ACAA1: variants seen among roughly 807,000 people sequenced by gnomAD.
ACAA1 encodes 3-ketoacyl-CoA thiolase, peroxisomal.
A neutral mutation model predicts 48.8 loss-of-function variants in ACAA1; 44 were observed. The observed-to-expected ratio is 0.90, with a 90% CI of 0.71 to 1.16. The LOEUF (loss-of-function observed/expected upper bound fraction) is 1.16, where lower values mean the gene tolerates loss of function less well. Among genes scored for constraint, ACAA1 ranks in the 50% most tolerant of loss-of-function variants. The pLI, the probability that ACAA1 is intolerant of heterozygous loss-of-function variation, is 0.00. For synonymous variants in ACAA1, 233 were observed against 226.5 expected (o/e 1.03, Z -0.26); for missense variants, 512 against 562.3 (o/e 0.91, Z 0.90).
chr3:38,129,384 C>T lies in ACAA1; in HGVS notation c.451G>A (p.Glu151Lys), dbSNP rs765521572. The change falls in exon 6 of 12, where the codon GAG (glutamate) becomes AAG (lysine). Residue 151 changes from glutamate (E) to lysine (K), a missense_variant. Glu to Lys is a moderately conservative substitution (Grantham distance 56, BLOSUM62 1). Coordinates refer to ENST00000333167, the MANE Select transcript of ACAA1 (RefSeq NM_001607.4). The surrounding 1 kb of genome is among the most constrained non-coding windows in gnomAD (Gnocchi z 5.3). ...SYDIGMACGVESMSLADRGNP... is the reference protein window; with the variant it reads ...SYDIGMACGVKSMSLADRGNP... The stretch of plus-strand genomic sequence containing the variant: ...CCTCTGTCAGCCAGGGACATGGACT[C>T]CACCCTGGGGAGGAGGAAGAGGAGG... 2 of 1,613,026 alleles carry T rather than the reference C, an allele frequency of 1.2e-6. No homozygotes were observed. Among genetic ancestry groups the T allele is most frequent in the Admixed American group, 3.3e-5 (2 of 60,008 alleles).
chr3:38,127,734 T>C lies in ACAA1; in HGVS notation c.626+52A>G, dbSNP rs571327990. ...GCCACTTCAGACCACTTAGATAGAC[T>C]CAAAACCTCACTCTCCAGCCCTTTA... On this transcript the variant is annotated intron_variant, in intron 7 of 11. Coordinates refer to ENST00000333167, the MANE Select transcript of ACAA1 (RefSeq NM_001607.4). 35 of 1,587,316 alleles carry C rather than the reference T, an allele frequency of 2.2e-5. No individual in the cohort carries two copies. In the South Asian group the frequency reaches 3.9e-4, roughly 18 times the overall value.
At chr3:38,136,724 C>A in intron 1 of ACAA1, 39 bp from the exon 2 acceptor site, 1 of 1,557,754 alleles carries the variant, frequency 6.4e-7, no homozygotes, top group East Asian at 2.3e-5. Context: ...CCCCACTCCC[C>A]CATGCCCACC....
intron 4 of ACAA1, 73 bp from the exon 5 acceptor site, chr3:38,131,711 C>T: frequency 6.6e-7 from 1 of 1,519,062 alleles, no homozygotes; most frequent in Non-Finnish European, 9.1e-7. Context: ...GCCTCTTCCC[C>T]ACCTGGTCTC....
intron 2 of ACAA1, among the ~76,000 whole-genome samples, chr3:38,134,879 C>T (rs1342492702): frequency 3.9e-5 from 6 of 152,056 alleles, no homozygotes; most frequent in Non-Finnish European, 7.4e-5. Flanking sequence ...ACCTTACTGT[C>T]CCCCAGCCCG....
Position 38,126,274 on chromosome 3 carries a change from C to T in ACAA1, c.885G>A (p.Glu295=). The T allele has an allele frequency of 8.7e-6, 14 of 1,614,230 alleles. No individual in the cohort carries two copies. The highest frequency in any genetic ancestry group is 1.2e-5 in the Non-Finnish European group (14 of 1,180,046). ...ILLARRSKAE[E]LGLPILGVLR... Reference sequence around the variant, plus strand: ...GGACCCCAAGGATGGGAAGGCCCAACTCTTCTGCCTTGGACCTCCGGGCCA... The same window carrying T: ...GGACCCCAAGGATGGGAAGGCCCAATTCTTCTGCCTTGGACCTCCGGGCCA... Residue 295 remains glutamate (E), a synonymous_variant, in exon 9 of 12, where the codon GAG becomes GAA. Coordinates refer to ENST00000333167, the MANE Select transcript of ACAA1 (RefSeq NM_001607.4). The surrounding 1 kb of genome is among the most constrained non-coding windows in gnomAD (Gnocchi z 4.7).
At chr3:38,131,889 G>C (rs773916988) in intron 4 of ACAA1, 37 bp downstream of exon 4, 1 of 1,583,734 alleles carries the variant, frequency 6.3e-7, no homozygotes, top group South Asian at 1.1e-5. Flanking sequence ...CAAACCCACA[G>C]GTCCAGGACC....
At chr3:38,130,111 T>A (rs1179073852) in intron 5 of ACAA1, among the ~76,000 whole-genome samples, 2 of 152,284 alleles carry the variant, frequency 1.3e-5, no homozygotes, top group South Asian at 4.2e-4. Context: ...CAGACCTGCA[T>A]AGACAAGGAA....
At position 38,129,915 on chromosome 3, in the gene ACAA1, G is replaced by A. The variant is rs1553627086; in HGVS notation, c.447-527C>T. On this transcript the variant is annotated intron_variant, in intron 5 of 11. Transcript: ENST00000333167. The surrounding 1 kb of genome is among the most constrained non-coding windows in gnomAD (Gnocchi z 5.3). ...AAAATACAAAACATTAGCCGGGCAT[G>A]GTGGCAGGCGCCAGGGTGGGAGGCT... 6.6e-6 allele frequency among the ~76,000 whole-genome samples: 1 copy of A among 152,208 alleles called. No individual in the cohort carries two copies. The highest frequency in any genetic ancestry group is 1.5e-5 in the Non-Finnish European group (1 of 68,024).
At chr3:38,136,762 G>C in intron 1 of ACAA1, 77 bp from the exon 2 acceptor site, 1 of 1,495,418 alleles carries the variant, frequency 6.7e-7, no homozygotes, top group South Asian at 1.3e-5. Context: ...CCACAGCTGG[G>C]TGCGGAGCTG....
chr3:38,127,597 C>G, intron 7 of ACAA1, 189 bp downstream of exon 7: 1 of 622,282 alleles, frequency 1.6e-6, no homozygotes, highest in Non-Finnish European at 2.9e-6. Context: ...GTAATAGAAC[C>G]TGGAAGTACT....
chr3:38,134,058 A>T (rs1257540171), intron 2 of ACAA1, 49 bp from the exon 3 acceptor site: 3 of 1,565,608 alleles, frequency 1.9e-6, no homozygotes, highest in Non-Finnish European at 2.6e-6. Flanking sequence ...TGTTCTGGGC[A>T]CTAAAGTATA....
In ACAA1 at chr3:38,126,243, A is replaced by G; in HGVS notation, c.916T>C (p.Ser306Pro). 4 of 1,614,040 alleles carry G rather than the reference A, an allele frequency of 2.5e-6. No homozygotes were observed. The highest frequency in any genetic ancestry group is 2.5e-6 in the Non-Finnish European group (3 of 1,179,992). Residue 306 changes from serine (S) to proline (P), a missense_variant, in exon 9 of 12, where the codon TCT (serine) becomes CCT (proline). Physicochemically the swap from Ser to Pro is moderately conservative, Grantham distance 74. Transcript: ENST00000333167. This position sits in a 1 kb window ranked among gnomAD's most constrained non-coding sequence, Gnocchi z 4.7. ...LGLPILGVLR[S>P]YAVVGVPPDI... Reference sequence around the variant, plus strand: ...GGTGGGACCCCAACCACTGCATAAGACCTCAGGACCCCAAGGATGGGAAGG... The same window carrying G: ...GGTGGGACCCCAACCACTGCATAAGGCCTCAGGACCCCAAGGATGGGAAGG...
chr3:38,129,246 C>T lies in ACAA1; in HGVS notation c.545+44G>A. 1.3e-6 allele frequency: 2 copies of T among 1,547,266 alleles called. No individual in the cohort carries two copies. The highest frequency in any genetic ancestry group is 1.8e-6 in the Non-Finnish European group (2 of 1,122,222). On this transcript the variant is annotated intron_variant, in intron 6 of 11. Transcript: ENST00000333167. This position sits in a 1 kb window ranked among gnomAD's most constrained non-coding sequence, Gnocchi z 5.3. ...ATAAAAGTTCCTTGGCTCCCTGCCC[C>T]AGGCAGAGAGGGCACAAGCACACAG...
At chr3:38,123,143 T>C in intron 11 of ACAA1, 21 bp from the exon 12 acceptor site, 1 of 1,613,594 alleles carries the variant, frequency 6.2e-7, no homozygotes, top group Non-Finnish European at 8.5e-7. Flanking sequence ...AAAACTTAAT[T>C]GGCTGGGCAA....
In ACAA1 at chr3:38,127,844, C is replaced by T. The variant is rs1330810879; in HGVS notation, c.568G>A (p.Glu190Lys). The change falls in exon 7 of 12, where the codon GAG becomes AAG. Residue 190 changes from glutamate (E) to lysine (K), a missense_variant. Coordinates refer to ENST00000333167, the MANE Select transcript of ACAA1 (RefSeq NM_001607.4). ...PMGITSENVA[E>K]RFGISREKQD... Reference sequence around the variant, plus strand: ...TTCTCCCGTGAAATGCCAAACCGCTCAGCCACATTCTCAGAGGTTATCCTA... The same window carrying T: ...TTCTCCCGTGAAATGCCAAACCGCTTAGCCACATTCTCAGAGGTTATCCTA... 4.3e-6 allele frequency: 7 copies of T among 1,614,090 alleles called. No homozygotes were observed. The highest frequency in any genetic ancestry group is 3.3e-4 in the Middle Eastern group (2 of 6,084).
At chr3:38,135,067 T>C (rs1326049689) in intron 2 of ACAA1, 1 of 152,212 alleles carries the variant, frequency 6.6e-6, no homozygotes, top group East Asian at 1.9e-4. Context: ...TACTGCTCTG[T>C]TACTCTTTGC....
In ACAA1 at chr3:38,129,908, C is replaced by T. The variant is rs1009434430; in HGVS notation, c.447-520G>A. ...TCTACTAAAAATACAAAACATTAGC[C>T]GGGCATGGTGGCAGGCGCCAGGGTG... On this transcript the variant is annotated intron_variant, in intron 5 of 11. Transcript: ENST00000333167. The surrounding 1 kb of genome is among the most constrained non-coding windows in gnomAD (Gnocchi z 5.3). Among the ~76,000 whole-genome samples the T allele has an allele frequency of 6.6e-6, 1 of 152,100 alleles. No individual in the cohort carries two copies. Among genetic ancestry groups the T allele is most frequent in the African/African-American group, 2.4e-5 (1 of 41,418 alleles).
In ACAA1 at chr3:38,125,574, C is replaced by T. The variant is rs145705119; in HGVS notation, c.1190G>A (p.Arg397His). 224 of 1,554,436 alleles carry T rather than the reference C, an allele frequency of 1.4e-4. No individual in the cohort carries two copies. Among genetic ancestry groups the T allele is most frequent in the Non-Finnish European group, 1.8e-4 (202 of 1,151,438 alleles). Reference sequence around the variant, plus strand: ...AGGAGCAAAGCCTTACCTCTTCCCACGGCGCTTCAGCTCATTGAGCAGCGT... The same window carrying T: ...AGGAGCAAAGCCTTACCTCTTCCCATGGCGCTTCAGCTCATTGAGCAGCGT... ...VITLLNELKRRGKRAYGVVSM... is the reference protein window; with the variant it reads ...VITLLNELKRHGKRAYGVVSM... The change falls in exon 11 of 12, where the codon CGT becomes CAT. Residue 397 changes from arginine to histidine, a missense_variant. Coordinates refer to ENST00000333167, the MANE Select transcript of ACAA1 (RefSeq NM_001607.4).
chr3:38,127,667 G>C (rs886720466), intron 7 of ACAA1, 119 bp downstream of exon 7: 2 of 994,826 alleles, frequency 2.0e-6, no homozygotes, highest in African/African-American at 3.2e-5. Context: ...GTGGCACAAG[G>C]CCTGGAAAGC....
Sources: gnomAD v4.1 joint callset for allele counts (sites outside exome capture counted in the v4.1 genomes callset) on GRCh38, gnomAD v4.1.1 for gene constraint, Gnocchi (gnomAD v3.1) non-coding constraint, MANE v1.5 for transcripts, NCBI Gene and HGNC (gene_info 2026-07-23, HGNC 2026-07-21) for gene names.